MOCOS: variants seen among roughly 807,000 people sequenced by gnomAD.
MOCOS encodes human molybdenum cofactor sulfurase.
Under a neutral mutation model 83.6 loss-of-function variants are expected in MOCOS, and 86 were observed. That is an observed-to-expected ratio of 1.03 (90% CI 0.86 to 1.23). The LOEUF is 1.23. MOCOS is among the 50% of genes most tolerant of loss of function. MOCOS has a pLI of 0.00. For missense variants in MOCOS, 1,120 were observed against 1,126.9 expected, an observed-to-expected ratio of 0.99 and a Z score of 0.09; for synonymous variants, 445 against 434.7, an observed-to-expected ratio of 1.02 and a Z score of -0.29.
At chr18:36,263,984 C>T in intron 13 of MOCOS, among the ~76,000 whole-genome samples, 1 of 152,002 alleles carries the variant, frequency 6.6e-6, no homozygotes, top group East Asian at 1.9e-4. Flanking sequence ...TGACACCAGC[C>T]TGACCAACAT....
At chr18:36,197,197 G>A (rs1372414025) in intron 2 of MOCOS, among the ~76,000 whole-genome samples, 3 of 152,272 alleles carry the variant, frequency 2.0e-5, no homozygotes, top group African/African-American at 7.2e-5. Flanking sequence ...TGCAGGAAAG[G>A]CATCAGCAGT....
intron 9 of MOCOS, among the ~76,000 whole-genome samples, chr18:36,244,532 T>C (rs1390054975): frequency 1.3e-5 from 2 of 152,172 alleles, no homozygotes; most frequent in Non-Finnish European, 2.9e-5. Flanking sequence ...AGACTTGTTT[T>C]ATGGCCATGA....
intron 8 of MOCOS, among the ~76,000 whole-genome samples, chr18:36,217,512 C>T (rs1279576398): frequency 6.6e-6 from 1 of 152,064 alleles, no homozygotes; most frequent in Non-Finnish European, 1.5e-5. Context: ...AACTCTGAAC[C>T]TTTGCCTTTG....
Position 36,260,021 on chromosome 18 carries a change from T to A in MOCOS, c.2271-16T>A. Reference sequence around the variant, plus strand: ...CCATCCTCCCCCTACTTACTCTTTTTGGTTGCTTTAATCAGTGATGAGAAT... The same window carrying A: ...CCATCCTCCCCCTACTTACTCTTTTAGGTTGCTTTAATCAGTGATGAGAAT... On this transcript the variant is annotated splice_polypyrimidine_tract_variant and intron_variant, in intron 12 of 14. Coordinates refer to ENST00000261326, the MANE Select transcript of MOCOS (RefSeq NM_017947.4). The A allele has an allele frequency of 6.2e-7, 1 of 1,614,158 alleles. No individual in the cohort carries two copies. The highest frequency in any genetic ancestry group is 1.1e-5 in the South Asian group (1 of 91,088).
chr18:36,191,735 A>C (rs1191949881), intron 1 of MOCOS, among the ~76,000 whole-genome samples: 1 of 122,246 alleles, frequency 8.2e-6, no homozygotes, highest in African/African-American at 3.1e-5. Context: ...TGTCCAGTAC[A>C]CTTAAAATAC....
intron 6 of MOCOS, among the ~76,000 whole-genome samples, chr18:36,210,850 C>CAAAAAAAAAAAAAAAAAAAAACAA (rs2091452509): frequency 2.1e-5 from 1 of 48,070 alleles, no homozygotes; most frequent in Non-Finnish European, 3.5e-5. Context: ...GACTCTGTCT[C>CAAAAAAAAAAAAAAAAAAAAACAA]AAAAAAAAAA....
intron 9 of MOCOS, among the ~76,000 whole-genome samples, chr18:36,229,906 T>C (rs575996158): frequency 1.3e-5 from 2 of 152,314 alleles, no homozygotes; most frequent in South Asian, 4.1e-4. Context: ...GTTCATGCAC[T>C]GTTCTCTTGA....
intron 9 of MOCOS, among the ~76,000 whole-genome samples, chr18:36,238,972 T>G (rs1461676474): frequency 6.6e-6 from 1 of 151,696 alleles, no homozygotes; most frequent in Non-Finnish European, 1.5e-5. Context: ...CCTTTTTTTG[T>G]TTTCCGTTTG....
rs2091690409 is a variant in MOCOS, at chr18:36,268,864, G to C, written c.*179G>C. ...CTTCTCACCCTGCAAATTTGCACTGGCTGTGCTCAGGAGAGCACTTCTGAG... is the reference window on the plus strand; with the variant it reads ...CTTCTCACCCTGCAAATTTGCACTGCCTGTGCTCAGGAGAGCACTTCTGAG... On this transcript the variant is annotated 3_prime_UTR_variant, in exon 15 of 15. Coordinates refer to ENST00000261326, the MANE Select transcript of MOCOS (RefSeq NM_017947.4). 2 of 634,304 alleles carry C rather than the reference G, an allele frequency of 3.2e-6. No homozygotes were observed. Among genetic ancestry groups the C allele is most frequent in the South Asian group, 1.9e-5 (1 of 51,908 alleles). The allele number at this position is 634,304 out of a possible 1,614,324, so 39.3% of individuals were successfully genotyped here. A position where few individuals can be genotyped will look rare whatever the true frequency, so the allele number is the denominator to read the frequency against.
intron 10 of MOCOS, among the ~76,000 whole-genome samples, chr18:36,249,501 G>A (rs774370203): frequency 1.8e-4 from 28 of 152,134 alleles, no homozygotes; most frequent in Non-Finnish European, 3.4e-4. Flanking sequence ...AGGACAGTGT[G>A]GGGTGGGAAG....
At chr18:36,207,138 T>C (rs2091437831) in intron 6 of MOCOS, among the ~76,000 whole-genome samples, 1 of 152,070 alleles carries the variant, frequency 6.6e-6, no homozygotes, top group Admixed American at 6.6e-5. Flanking sequence ...CTGGGTTCAA[T>C]TGATTCTCCT....
chr18:36,226,711 T>A (rs1047450323), intron 9 of MOCOS, among the ~76,000 whole-genome samples: 3 of 18,498 alleles, frequency 1.6e-4, no homozygotes, highest in African/African-American at 2.1e-4. Flanking sequence ...CTATAGGTTT[T>A]TTCTTTTTTT....
chr18:36,216,610 A>T (rs1001090923), intron 8 of MOCOS, among the ~76,000 whole-genome samples: 14 of 152,364 alleles, frequency 9.2e-5, no homozygotes, highest in Middle Eastern at 3.4e-3. Context: ...TCAATGATAG[A>T]ATTTTAAAAA....
At chr18:36,226,046 T>C (rs1278375275) in intron 9 of MOCOS, among the ~76,000 whole-genome samples, 4 of 152,114 alleles carry the variant, frequency 2.6e-5, no homozygotes, top group African/African-American at 9.7e-5. Flanking sequence ...ACGTTTTATG[T>C]ATGTTTGTTA....
intron 10 of MOCOS, among the ~76,000 whole-genome samples, chr18:36,250,722 T>A (rs546063779): frequency 1.3e-5 from 2 of 152,324 alleles, no homozygotes; most frequent in South Asian, 4.1e-4. Context: ...TATCTGTAAC[T>A]CACAGGCACA....
intron 1 of MOCOS, among the ~76,000 whole-genome samples, chr18:36,193,601 AC>A (rs1480115999): frequency 6.6e-6 from 1 of 152,150 alleles, no homozygotes. Flanking sequence ...TGGATCAAAT[AC>A]CTAAATATGA....
At chr18:36,253,051 A>C (rs1316065541) in intron 11 of MOCOS, among the ~76,000 whole-genome samples, 1 of 152,180 alleles carries the variant, frequency 6.6e-6, no homozygotes, top group East Asian at 1.9e-4. Flanking sequence ...TAGAGGCATG[A>C]AAGGAGTAGG....
At chr18:36,237,557 C>T (rs1364936421) in intron 9 of MOCOS, among the ~76,000 whole-genome samples, 1 of 152,082 alleles carries the variant, frequency 6.6e-6, no homozygotes, top group Non-Finnish European at 1.5e-5. Flanking sequence ...AGGATTTTTG[C>T]ATCAATGTTC....
At chr18:36,226,714 CTT>C (rs71168207) in intron 9 of MOCOS, among the ~76,000 whole-genome samples, 1 of 143,258 alleles carries the variant, frequency 7.0e-6, no homozygotes, top group African/African-American at 2.6e-5. Flanking sequence ...TAGGTTTTTT[CTT>C]TTTTTTTTTG....
Sources: allele counts gnomAD v4.1 joint callset (sites outside exome capture counted in the v4.1 genomes callset), GRCh38; gene constraint gnomAD v4.1.1; transcripts MANE v1.5; gene names NCBI Gene and HGNC (gene_info 2026-07-23, HGNC 2026-07-21).